CCDC181: variants seen among roughly 807,000 people sequenced by gnomAD.
CCDC181 encodes the protein coiled-coil domain containing 181.
CCDC181 carries 35 observed loss-of-function variants against 58.7 expected under a neutral mutation model. The ratio of observed to expected loss-of-function variants is 0.60; its 90% CI spans 0.46 to 0.79. The LOEUF (loss-of-function observed/expected upper bound fraction) is 0.79, where lower values mean the gene tolerates loss of function less well. CCDC181 is among the 30% of genes least tolerant of loss of function. The pLI, the probability that CCDC181 is intolerant of heterozygous loss-of-function variation, is 0.00. For missense variants in CCDC181, 517 were observed against 583.9 expected (o/e 0.89, Z 1.18); for synonymous variants, 183 against 197.5 (o/e 0.93, Z 0.62).
intron 3 of CCDC181, 123 bp from the exon 4 acceptor site, chr1:169,419,282 A>C (rs1656358466): frequency 1.2e-5 from 14 of 1,214,398 alleles, no homozygotes; most frequent in Non-Finnish European, 1.6e-5. Flanking sequence ...TTTCCATCAG[A>C]AAACTGGTCC....
chr1:169,446,627 A>G (rs1373586543), intron 2 of CCDC181, among the ~76,000 whole-genome samples: 1 of 152,186 alleles, frequency 6.6e-6, no homozygotes, highest in African/African-American at 2.4e-5. Flanking sequence ...AGTAAAACCA[A>G]TAAAAATAAT....
chr1:169,415,176 C>G (rs922089016), intron 4 of CCDC181, among the ~76,000 whole-genome samples: 1 of 152,104 alleles, frequency 6.6e-6, no homozygotes, highest in South Asian at 2.1e-4. Flanking sequence ...TTGCAAATAC[C>G]CCATTTAAAA....
chr1:169,449,946 TC>T (rs1464235605), intron 2 of CCDC181, among the ~76,000 whole-genome samples: 1 of 152,088 alleles, frequency 6.6e-6, no homozygotes, highest in East Asian at 1.9e-4. Context: ...CTATCACACT[TC>T]CTAAGGACTC....
intron 4 of CCDC181, among the ~76,000 whole-genome samples, chr1:169,406,521 A>G (rs924835064): frequency 6.6e-6 from 1 of 152,216 alleles, no homozygotes; most frequent in African/African-American, 2.4e-5. Context: ...GCTGGAGACC[A>G]TCATTCTGAG....
chr1:169,449,626 A>G (rs565550548), intron 2 of CCDC181, among the ~76,000 whole-genome samples: 1 of 152,320 alleles, frequency 6.6e-6, no homozygotes, highest in Admixed American at 6.5e-5. Context: ...TGGCAAACCA[A>G]TGGTGTAGGT....
intron 2 of CCDC181, among the ~76,000 whole-genome samples, chr1:169,434,969 TG>T (rs1657015479): frequency 6.6e-6 from 1 of 152,102 alleles, no homozygotes; most frequent in South Asian, 2.1e-4. Flanking sequence ...TATTGTTTAA[TG>T]GGTACAAGGT....
intron 1 of CCDC181, among the ~76,000 whole-genome samples, chr1:169,425,605 T>C (rs987677156): frequency 6.6e-6 from 1 of 152,134 alleles, no homozygotes; most frequent in East Asian, 1.9e-4. Context: ...CAAGACAAGC[T>C]AAATTGCTTA....
intron 2 of CCDC181, among the ~76,000 whole-genome samples, chr1:169,445,949 C>T (rs1047841397): frequency 6.6e-6 from 1 of 152,074 alleles, no homozygotes; most frequent in African/African-American, 2.4e-5. Flanking sequence ...CATGATTCCT[C>T]TCTCATTTCT....
chr1:169,446,231 G>T (rs1399596617), intron 2 of CCDC181, among the ~76,000 whole-genome samples: 1 of 152,090 alleles, frequency 6.6e-6, no homozygotes, highest in African/African-American at 2.4e-5. Flanking sequence ...GGACCATGAG[G>T]TCAAGAGATC....
In CCDC181 at chr1:169,394,903, C is replaced by T. The variant is rs1654925125; in HGVS notation, c.*144G>A. The T allele has an allele frequency of 4.4e-6, 3 of 683,046 alleles. No homozygotes were observed. The highest frequency in any genetic ancestry group is 6.7e-6 in the Non-Finnish European group (3 of 444,842). The allele number at this position is 683,046 out of a possible 1,614,324, so 42.3% of individuals were successfully genotyped here. On this transcript the variant is annotated 3_prime_UTR_variant, in exon 6 of 6. Coordinates refer to ENST00000367806, the MANE Select transcript of CCDC181 (RefSeq NM_001300969.2). ...CTGTGAGAAAAAAATTTATTTTGTT[C>T]TAGTATTAAAAAAACAAATTCACTG...
intron 2 of CCDC181, among the ~76,000 whole-genome samples, chr1:169,453,929 G>T (rs917240279): frequency 2.6e-5 from 4 of 151,858 alleles, no homozygotes; most frequent in Non-Finnish European, 5.9e-5. Context: ...CTTGTGGTGG[G>T]CTTCTTTTCA....
chr1:169,436,247 C>CA (rs201970739), intron 2 of CCDC181, among the ~76,000 whole-genome samples: 4,459 of 152,190 alleles, frequency 0.029, 182 homozygotes, highest in African/African-American at 0.1. Context: ...TTAAAGAACT[C>CA]ACAGCTCAGC....
upstream of CCDC181, among the ~76,000 whole-genome samples, chr1:169,430,952 C>T (rs1423582477): frequency 6.6e-6 from 1 of 152,180 alleles, no homozygotes; most frequent in Non-Finnish European, 1.5e-5. Flanking sequence ...AGTTACACTC[C>T]TATGCAAACA....
chr1:169,398,076 TTG>T (rs1329335923), intron 4 of CCDC181, among the ~76,000 whole-genome samples: 1 of 152,154 alleles, frequency 6.6e-6, no homozygotes, highest in East Asian at 1.9e-4. Context: ...CAACTGAACT[TTG>T]TGGAGAAGAC....
Position 169,424,931 on chromosome 1 carries a change from C to G in CCDC181, c.-4G>C. On this transcript the variant is annotated 5_prime_UTR_variant, in exon 2 of 6. Transcript: ENST00000367806. ...CAGTATCTTTATTTTCATTCATTTT[C>G]TGTTTGTGAAGGAAATATGCTGTAA... is the stretch of plus-strand genomic sequence containing the variant. 6.5e-7 allele frequency: 1 copy of G among 1,529,054 alleles called. No individual in the cohort carries two copies. The allele number at this position is 1,529,054 out of a possible 1,614,324, so 94.7% of individuals were successfully genotyped here.
At chr1:169,439,050 A>AC (rs994736672) in intron 2 of CCDC181, among the ~76,000 whole-genome samples, 6 of 151,142 alleles carry the variant, frequency 4.0e-5, no homozygotes, top group East Asian at 3.9e-4. Flanking sequence ...GCCAACTGAG[A>AC]CCCCCCCAGG....
chr1:169,458,891 A>T lies in CCDC181; in HGVS notation c.-24+906T>A, dbSNP rs1214988306. 1.3e-4 allele frequency among the ~76,000 whole-genome samples: 19 copies of T among 151,898 alleles called. No individual in the cohort carries two copies. The East Asian group carries it at 3.3e-3, about 26-fold the overall frequency. On this transcript the variant is annotated intron_variant, in intron 2 of 6. Coordinates refer to the CCDC181 transcript ENST00000545005. ...AGTAAATATTTTACATATTTATTTG[A>T]TCTGAGAGTAATAGTCCACCAAACG...
chr1:169,395,303 C>T (rs1654953487), intron 5 of CCDC181, 97 bp from the exon 6 acceptor site: 1 of 1,087,874 alleles, frequency 9.2e-7, no homozygotes, highest in Non-Finnish European at 1.2e-6. Context: ...ATGGACATTT[C>T]TTTACAATGA....
chr1:169,404,306 G>A (rs538666225), intron 4 of CCDC181, among the ~76,000 whole-genome samples: 2 of 150,222 alleles, frequency 1.3e-5, no homozygotes, highest in South Asian at 2.1e-4. Flanking sequence ...TCCCTAACTC[G>A]TTATAAGGCC....
Sources: allele counts gnomAD v4.1 joint callset (sites outside exome capture counted in the v4.1 genomes callset), GRCh38; gene constraint gnomAD v4.1.1; transcripts MANE v1.5; gene names NCBI Gene and HGNC (gene_info 2026-07-23, HGNC 2026-07-21).